Variants in NSL1 observed in about 807,000 individuals in gnomAD.
NSL1 encodes the protein kinetochore-associated protein NSL1 homolog.
A neutral mutation model predicts 25.4 loss-of-function variants in NSL1; 11 were observed. The observed-to-expected ratio is 0.43, with a 90% CI of 0.27 to 0.72. The LOEUF is 0.72. Among genes scored for constraint, NSL1 ranks in the 30% least tolerant of loss-of-function variants. The pLI, the probability that NSL1 is intolerant of heterozygous loss-of-function variation, is 0.19. For synonymous variants in NSL1, 118 were observed against 120.6 expected, an observed-to-expected ratio of 0.98 and a Z score of 0.14; for missense variants, 330 against 342.7, an observed-to-expected ratio of 0.96 and a Z score of 0.29.
chr1:212,763,516 A>T (rs896122616), intron 4 of NSL1, among the ~76,000 whole-genome samples: 5 of 152,184 alleles, frequency 3.3e-5, no homozygotes, highest in Admixed American at 3.3e-4. Context: ...AAAAACCACC[A>T]AGTATCTGCT....
In NSL1 at chr1:212,732,744, C is replaced by G; in HGVS notation, c.*5664G>C. 1 of 729,776 alleles carries G rather than the reference C, an allele frequency of 1.4e-6. No individual in the cohort carries two copies. Among genetic ancestry groups the G allele is most frequent in the African/African-American group, 1.9e-5 (1 of 52,408 alleles). The allele number at this position is 729,776 out of a possible 1,614,324, so 45.2% of individuals were successfully genotyped here. The stretch of plus-strand genomic sequence containing the variant: ...TTGGTTTACCCTTTGGAATAGAGCA[C>G]AGCCCCTGGTAGAACCCCCAAACGG... On this transcript the variant is annotated 3_prime_UTR_variant, in exon 6 of 6. Transcript: ENST00000366977.
chr1:212,762,704 A>C (rs557663448), intron 4 of NSL1, among the ~76,000 whole-genome samples: 1 of 152,318 alleles, frequency 6.6e-6, no homozygotes, highest in East Asian at 1.9e-4. Context: ...AATCCAGACC[A>C]TGGGAGAAAG....
chr1:212,785,004 G>C (rs1026908180), intron 2 of NSL1, among the ~76,000 whole-genome samples: 1 of 152,192 alleles, frequency 6.6e-6, no homozygotes, highest in Non-Finnish European at 1.5e-5. Flanking sequence ...CCTAGTCTTT[G>C]GAGACCTGAG....
At position 212,731,245 on chromosome 1, in the gene NSL1, G is replaced by T. The variant is rs989017973; in HGVS notation, c.*7163C>A. 1.7e-5 allele frequency: 17 copies of T among 985,010 alleles called. No homozygotes were observed. Among genetic ancestry groups the T allele is most frequent in the African/African-American group, 1.2e-4 (7 of 57,258 alleles). 61.0% of individuals were successfully genotyped at this position (985,010 alleles called of 1,614,324 possible). A position where few individuals can be genotyped will look rare whatever the true frequency, so the allele number is the denominator to read the frequency against. On this transcript the variant is annotated 3_prime_UTR_variant, in exon 6 of 6. Coordinates refer to ENST00000366977, the MANE Select transcript of NSL1 (RefSeq NM_015471.4). ...AATTATCAGCCAAAAACAGAGAATA[G>T]TAAGTCTTATCTGAAATATACTGTG...
At chr1:212,782,087 G>A (rs764416851) in intron 4 of NSL1, 3 of 647,104 alleles carry the variant, frequency 4.6e-6, no homozygotes, top group South Asian at 4.1e-5. Flanking sequence ...GACAGAGATA[G>A]GAGGGTATTA....
Position 212,735,637 on chromosome 1 carries a change from G to T in NSL1, c.*2771C>A, listed in dbSNP as rs1658204762. ...GTGCCTATAGCTGTATTTGGAGATG[G>T]GGCCTCTAAGGAAATAATTAAGGTT... On this transcript the variant is annotated 3_prime_UTR_variant, in exon 6 of 6. Coordinates refer to ENST00000366977, the MANE Select transcript of NSL1 (RefSeq NM_015471.4). The T allele has an allele frequency of 1.7e-6, 1 of 591,018 alleles. No individual in the cohort carries two copies. Among genetic ancestry groups the T allele is most frequent in the Non-Finnish European group, 2.1e-6 (1 of 469,972 alleles). 36.6% of individuals were successfully genotyped at this position (591,018 alleles called of 1,614,324 possible). A position where few individuals can be genotyped will look rare whatever the true frequency, so the allele number is the denominator to read the frequency against.
chr1:212,738,588 G>A lies in NSL1; in HGVS notation c.666C>T (p.Ser222=), dbSNP rs1167609434. ...TAGCATCTGGTTTCCTATGACAACT[G>A]GAAAAGACTTCTTGGTGAATCCTCT... ...HLQRIHQEVF[S]SCHRKPDAKP... The change falls in exon 6 of 6, where the codon TCC becomes TCT. Residue 222 remains serine, a synonymous_variant. Coordinates refer to ENST00000366977, the MANE Select transcript of NSL1 (RefSeq NM_015471.4). The A allele has an allele frequency of 6.2e-7, 1 of 1,614,104 alleles. No individual in the cohort carries two copies. The highest frequency in any genetic ancestry group is 8.5e-7 in the Non-Finnish European group (1 of 1,179,992).
At position 212,735,908 on chromosome 1, in the gene NSL1, T is replaced by C; in HGVS notation, c.*2500A>G. The C allele has an allele frequency of 1.0e-6, 1 of 975,808 alleles. No homozygotes were observed. The highest frequency in any genetic ancestry group is 1.2e-6 in the Non-Finnish European group (1 of 821,178). The allele number at this position is 975,808 out of a possible 1,614,324, so 60.4% of individuals were successfully genotyped here. On this transcript the variant is annotated 3_prime_UTR_variant, in exon 6 of 6. Coordinates refer to ENST00000366977, the MANE Select transcript of NSL1 (RefSeq NM_015471.4). ...CTGTGAGAAGTAAGTATCTGTTGTT[T>C]AAGCCACCCAGCCTGTGGTATTCTG...
chr1:212,778,135 G>C lies in NSL1; in HGVS notation c.499+4237C>G, dbSNP rs149362282. On this transcript the variant is annotated intron_variant, in intron 4 of 5. Transcript: ENST00000366977. ...GAAGAAGGAATCAAGGTTAACTTCA[G>C]CTAAAGCAACATGTAGGCATAGATG... 1.2e-4 allele frequency among the ~76,000 whole-genome samples: 18 copies of C among 151,866 alleles called. No individual in the cohort carries two copies. In the East Asian group the frequency reaches 3.5e-3, roughly 29 times the overall value.
chr1:212,749,339 G>GTTTTTTTTTTTT (rs10717383), intron 4 of NSL1, among the ~76,000 whole-genome samples: 15 of 76,940 alleles, frequency 1.9e-4, no homozygotes, highest in South Asian at 1.0e-3. Flanking sequence ...GTTTTATTGT[G>GTTTTTTTTTTTT]TTTTTTTTTT....
chr1:212,779,265 G>C (rs1225754857), intron 4 of NSL1, among the ~76,000 whole-genome samples: 4 of 143,432 alleles, frequency 2.8e-5, no homozygotes, highest in Admixed American at 2.0e-4. Context: ...CCGGCCAGCC[G>C]CCCCGTCTCG....
At position 212,731,808 on chromosome 1, in the gene NSL1, G is replaced by T; in HGVS notation, c.*6600C>A. 3 of 985,396 alleles carry T rather than the reference G, an allele frequency of 3.0e-6. No homozygotes were observed. Among genetic ancestry groups the T allele is most frequent in the Non-Finnish European group, 3.6e-6 (3 of 829,930 alleles). 61.0% of individuals were successfully genotyped at this position (985,396 alleles called of 1,614,324 possible). A position where few individuals can be genotyped will look rare whatever the true frequency, so the allele number is the denominator to read the frequency against. On this transcript the variant is annotated 3_prime_UTR_variant, in exon 6 of 6. Transcript: ENST00000366977. ...GACAGTCACACTGTTACAAACATATGGATTGTACTGGTTGGCACAGAAGCC... is the reference window on the plus strand; with the variant it reads ...GACAGTCACACTGTTACAAACATATTGATTGTACTGGTTGGCACAGAAGCC...
intron 1 of NSL1, among the ~76,000 whole-genome samples, chr1:212,789,649 C>T (rs1661092134): frequency 6.6e-6 from 1 of 152,310 alleles, no homozygotes; most frequent in South Asian, 2.1e-4. Flanking sequence ...CAGTTTTAAA[C>T]AGAGATACAA....
chr1:212,784,709 G>A (rs1363308300), intron 2 of NSL1, among the ~76,000 whole-genome samples: 1 of 152,170 alleles, frequency 6.6e-6, no homozygotes, highest in Non-Finnish European at 1.5e-5. Context: ...GCCTAAACAA[G>A]AGAAATACAA....
intron 1 of NSL1, 136 bp from the exon 2 acceptor site, chr1:212,787,773 C>T: frequency 2.0e-6 from 1 of 491,434 alleles, no homozygotes; most frequent in Non-Finnish European, 3.6e-6. Context: ...TATATCTATT[C>T]TTTTCAATGA....
At chr1:212,791,501 A>G (rs1443166901) in intron 1 of NSL1, 29 bp downstream of exon 1, 2 of 1,572,620 alleles carry the variant, frequency 1.3e-6, no homozygotes. Flanking sequence ...GAGGATGATG[A>G]GTAAAGAACT....
intron 4 of NSL1, among the ~76,000 whole-genome samples, chr1:212,756,622 C>T (rs1236676482): frequency 6.6e-6 from 1 of 152,070 alleles, no homozygotes; most frequent in Non-Finnish European, 1.5e-5. Flanking sequence ...GACTTTGAAA[C>T]CAGCCTGGCC....
chr1:212,781,784 T>G (rs756382461), intron 4 of NSL1: 2 of 172,732 alleles, frequency 1.2e-5, no homozygotes, highest in Non-Finnish European at 2.5e-5. Context: ...ATACAGTCAT[T>G]TGAAAATATA....
At chr1:212,762,082 G>A (rs150692440) in intron 4 of NSL1, among the ~76,000 whole-genome samples, 2,397 of 151,936 alleles carry the variant, frequency 0.016, 57 homozygotes, top group African/African-American at 0.052. Flanking sequence ...TGGATCACCT[G>A]AGGTCAGGAG....
Sources: gnomAD v4.1 joint callset for allele counts (sites outside exome capture counted in the v4.1 genomes callset) on GRCh38, gnomAD v4.1.1 for gene constraint, MANE v1.5 for transcripts, NCBI Gene and HGNC (gene_info 2026-07-23, HGNC 2026-07-21) for gene names.